FBXW8: variants seen among roughly 807,000 people sequenced by gnomAD.
FBXW8 encodes the protein F-box/WD repeat-containing protein 8.
In FBXW8, 57 loss-of-function variants were observed where a neutral mutation model predicts 65.3. The ratio of observed to expected loss-of-function variants is 0.87; its 90% CI spans 0.71 to 1.09. FBXW8 has a LOEUF of 1.09. Among genes scored for constraint, FBXW8 ranks in the 50% least tolerant of loss-of-function variants. The probability of loss-of-function intolerance (pLI) is 0.00; values close to 1 mark genes in which losing one functional copy is unlikely to be tolerated. For missense variants in FBXW8, 777 were observed against 814.8 expected, an observed-to-expected ratio of 0.95 and a Z score of 0.57; for synonymous variants, 308 against 330.2, an observed-to-expected ratio of 0.93 and a Z score of 0.73.
At chr12:117,019,008 CCCATTATGGACTAAGGTT>C (rs1186963084) in intron 8 of FBXW8, among the ~76,000 whole-genome samples, 1 of 152,180 alleles carries the variant, frequency 6.6e-6, no homozygotes, top group Non-Finnish European at 1.5e-5. Flanking sequence ...TTTTCAAGTT[CCCATTATGGACTAAGGTT>C]AGAGTTCTCT....
intron 8 of FBXW8, 97 bp from the exon 9 acceptor site, chr12:117,024,050 T>G (rs1954163686): frequency 1.6e-6 from 2 of 1,263,166 alleles, no homozygotes; most frequent in Non-Finnish European, 1.1e-6. Context: ...TTCATAGCAG[T>G]GTTGTGCATA....
chr12:116,969,144 T>C (rs1468646649), intron 5 of FBXW8, among the ~76,000 whole-genome samples: 2 of 152,214 alleles, frequency 1.3e-5, no homozygotes, highest in Non-Finnish European at 2.9e-5. Flanking sequence ...TTTCACGTCA[T>C]GGTTGGGAAG....
chr12:117,002,696 A>T (rs1024730219), intron 7 of FBXW8: 5 of 152,240 alleles, frequency 3.3e-5, no homozygotes, highest in African/African-American at 1.2e-4. Flanking sequence ...ATATCGGAGT[A>T]AACTGCTTTT....
At chr12:116,915,398 G>T (rs993554683) in intron 1 of FBXW8, among the ~76,000 whole-genome samples, 108 of 152,162 alleles carry the variant, frequency 7.1e-4, no homozygotes, top group African/African-American at 2.4e-3. Context: ...AAGTTTTTAA[G>T]CTCAAACTAT....
At chr12:116,956,536 T>C (rs558412376) in intron 4 of FBXW8, among the ~76,000 whole-genome samples, 3 of 152,338 alleles carry the variant, frequency 2.0e-5, no homozygotes, top group East Asian at 3.9e-4. Flanking sequence ...CAGTTCTTTG[T>C]AGACAGAGAG....
chr12:116,946,266 T>C (rs1196196227), intron 3 of FBXW8, among the ~76,000 whole-genome samples: 1 of 152,194 alleles, frequency 6.6e-6, no homozygotes, highest in Non-Finnish European at 1.5e-5. Flanking sequence ...GCATTACTGA[T>C]AATGACAAAT....
At chr12:117,017,064 TGTAAC>T (rs1454256716) in intron 8 of FBXW8, among the ~76,000 whole-genome samples, 1 of 152,232 alleles carries the variant, frequency 6.6e-6, no homozygotes, top group Non-Finnish European at 1.5e-5. Context: ...AAATAAGTAA[TGTAAC>T]AGTAAACTTC....
At chr12:117,027,588 C>T in intron 10 of FBXW8, 84 bp downstream of exon 10, 1 of 1,053,884 alleles carries the variant, frequency 9.5e-7, no homozygotes. Context: ...TGACACATTG[C>T]ACCCTATGGG....
intron 4 of FBXW8, among the ~76,000 whole-genome samples, chr12:116,957,811 T>G (rs1883745972): frequency 6.6e-6 from 1 of 151,000 alleles, no homozygotes; most frequent in South Asian, 2.1e-4. Flanking sequence ...ACTTTTAAAT[T>G]TATTTATTTT....
intron 3 of FBXW8, chr12:116,948,883 T>C (rs1368669740): frequency 6.6e-6 from 1 of 152,380 alleles, no homozygotes; most frequent in South Asian, 2.1e-4. Flanking sequence ...TCCTCTCAAA[T>C]AGTTGGGACT....
intron 4 of FBXW8, among the ~76,000 whole-genome samples, chr12:116,955,556 A>C (rs948437108): frequency 3.8e-4 from 58 of 152,158 alleles, no homozygotes; most frequent in African/African-American, 1.2e-3. Flanking sequence ...TTTGTCTAGA[A>C]AGTTAGTTGA....
chr12:117,017,419 A>G (rs1399610778), intron 8 of FBXW8, among the ~76,000 whole-genome samples: 1 of 152,222 alleles, frequency 6.6e-6, no homozygotes, highest in East Asian at 1.9e-4. Flanking sequence ...GCCTTAAAAT[A>G]CAGAGAGCAC....
In FBXW8 at chr12:117,027,876, G is replaced by A. The variant is rs572752802; in HGVS notation, c.1653-152G>A. ...CACGTTGACCGCTAAGCCGGGGACT[G>A]TGAGTATCTGACGCTGTGTGCCCAG... On this transcript the variant is annotated intron_variant, in intron 10 of 10. Coordinates refer to ENST00000652555, the MANE Select transcript of FBXW8 (RefSeq NM_153348.3). 23 of 1,028,654 alleles carry A rather than the reference G, an allele frequency of 2.2e-5. No individual in the cohort carries two copies. In the African/African-American group the frequency reaches 3.3e-4, roughly 15 times the overall value. 63.7% of individuals were successfully genotyped at this position (1,028,654 alleles called of 1,614,324 possible).
chr12:116,950,994 A>G (rs1462327201), intron 4 of FBXW8: 1 of 152,196 alleles, frequency 6.6e-6, no homozygotes, highest in Non-Finnish European at 1.5e-5. Flanking sequence ...AAAAGAACTT[A>G]AAAATAAAGG....
rs1882178345 is a variant in FBXW8 at position 116,936,623 on chromosome 12, T to G, written c.423+8496T>G. Among the ~76,000 whole-genome samples, 1 of 152,230 alleles carries G rather than the reference T, an allele frequency of 6.6e-6. No individual in the cohort carries two copies. Among genetic ancestry groups the G allele is most frequent in the African/African-American group, 2.4e-5 (1 of 41,524 alleles). ...GAAGCTGGAAAAGGTAAGAAAACTGTTTTCTTTCTGAAGCCTCCGGAAGGA... is the reference window on the plus strand; with the variant it reads ...GAAGCTGGAAAAGGTAAGAAAACTGGTTTCTTTCTGAAGCCTCCGGAAGGA... On this transcript the variant is annotated intron_variant, in intron 2 of 10. Coordinates refer to ENST00000652555, the MANE Select transcript of FBXW8 (RefSeq NM_153348.3). This position sits in a 1 kb window ranked among gnomAD's most constrained non-coding sequence, Gnocchi z 4.6.
At position 117,029,283 on chromosome 12, in the gene FBXW8, G is replaced by T. The variant is rs919826657; in HGVS notation, c.*1111G>T. Reference sequence around the variant, plus strand: ...CCTATGGGCTATACCCTCAGGCAGGGCCCTGCTTTTCTAGGAATTGACTCC... The same window carrying T: ...CCTATGGGCTATACCCTCAGGCAGGTCCCTGCTTTTCTAGGAATTGACTCC... On this transcript the variant is annotated 3_prime_UTR_variant, in exon 11 of 11. Coordinates refer to ENST00000652555, the MANE Select transcript of FBXW8 (RefSeq NM_153348.3). 2.6e-5 allele frequency: 4 copies of T among 152,202 alleles called. No individual in the cohort carries two copies. The highest frequency in any genetic ancestry group is 9.7e-5 in the African/African-American group (4 of 41,430). The allele number at this position is 152,202 out of a possible 1,614,324, so 9.4% of individuals were successfully genotyped here. A position where few individuals can be genotyped will look rare whatever the true frequency, so the allele number is the denominator to read the frequency against.
At chr12:117,010,665 C>T (rs1019375379) in intron 8 of FBXW8, among the ~76,000 whole-genome samples, 4 of 152,338 alleles carry the variant, frequency 2.6e-5, no homozygotes, top group Non-Finnish European at 2.9e-5. Context: ...TGAAGCACCA[C>T]GGGAAGGTTT....
At chr12:116,913,698 C>T (rs539301176) in intron 1 of FBXW8, among the ~76,000 whole-genome samples, 9 of 152,164 alleles carry the variant, frequency 5.9e-5, no homozygotes, top group Non-Finnish European at 8.8e-5. Context: ...CAGGCACATT[C>T]GATGCAACGT....
At chr12:117,012,894 G>C (rs1953860680) in intron 8 of FBXW8, among the ~76,000 whole-genome samples, 1 of 152,082 alleles carries the variant, frequency 6.6e-6, no homozygotes, top group African/African-American at 2.4e-5. Flanking sequence ...TTAAAGTAGG[G>C]AATCAGTTTT....
Sources: allele counts gnomAD v4.1 joint callset (sites outside exome capture counted in the v4.1 genomes callset), GRCh38; gene constraint gnomAD v4.1.1; non-coding constraint Gnocchi (gnomAD v3.1); transcripts MANE v1.5; gene names NCBI Gene and HGNC (gene_info 2026-07-23, HGNC 2026-07-21).